Variants in ZNF804B observed in about 807,000 individuals in gnomAD.
ZNF804B encodes the protein zinc finger 804B.
A neutral mutation model predicts 101.4 loss-of-function variants in ZNF804B; 80 were observed. The ratio of observed to expected loss-of-function variants is 0.79; its 90% CI spans 0.66 to 0.95. The LOEUF (loss-of-function observed/expected upper bound fraction) is 0.95, where lower values mean the gene tolerates loss of function less well. Among genes scored for constraint, ZNF804B ranks in the 40% least tolerant of loss-of-function variants. The pLI, the probability that ZNF804B is intolerant of heterozygous loss-of-function variation, is 0.00. For missense variants in ZNF804B, 1,673 were observed against 1,561.9 expected (o/e 1.07, Z -1.20); for synonymous variants, 622 against 558.8 (o/e 1.11, Z -1.59).
At chr7:88,932,758 A>T (rs1403874704) in intron 1 of ZNF804B, among the ~76,000 whole-genome samples, 2 of 151,678 alleles carry the variant, frequency 1.3e-5, no homozygotes, top group Non-Finnish European at 3.0e-5. Context: ...TAATAATAAT[A>T]AAAAATGCCC....
chr7:89,069,621 T>C (rs1448067183), intron 1 of ZNF804B, among the ~76,000 whole-genome samples: 1 of 152,172 alleles, frequency 6.6e-6, no homozygotes, highest in African/African-American at 2.4e-5. Context: ...AACATTATCT[T>C]AATGGCTGCA....
chr7:89,044,441 A>G (rs1789071070), intron 1 of ZNF804B, among the ~76,000 whole-genome samples: 1 of 152,230 alleles, frequency 6.6e-6, no homozygotes, highest in African/African-American at 2.4e-5. Context: ...AAGATACCCA[A>G]AAATGTAGAA....
chr7:89,284,309 G>A (rs895330518), intron 2 of ZNF804B, among the ~76,000 whole-genome samples: 7 of 152,142 alleles, frequency 4.6e-5, no homozygotes, highest in African/African-American at 1.7e-4. Flanking sequence ...AGTAAAAAAC[G>A]ATATCTCTCA....
At chr7:88,812,250 T>G (rs2888562) in intron 1 of ZNF804B, among the ~76,000 whole-genome samples, 57,987 of 151,990 alleles carry the variant, frequency 0.38, 11,434 homozygotes, top group East Asian at 0.51. Flanking sequence ...AGTCCAAAAG[T>G]CATTTAATTT....
At chr7:89,252,708 A>C (rs1789561533) in intron 2 of ZNF804B, among the ~76,000 whole-genome samples, 1 of 152,228 alleles carries the variant, frequency 6.6e-6, no homozygotes. Flanking sequence ...AGCCATATAA[A>C]AGAATGAAAT....
At chr7:88,769,555 G>C (rs975709906) in intron 1 of ZNF804B, among the ~76,000 whole-genome samples, 14 of 152,074 alleles carry the variant, frequency 9.2e-5, no homozygotes, top group African/African-American at 3.1e-4. Flanking sequence ...TTTTTTCATT[G>C]GTGGCATATT....
intron 1 of ZNF804B, among the ~76,000 whole-genome samples, chr7:89,165,270 A>G (rs556343981): frequency 6.6e-6 from 1 of 152,230 alleles, no homozygotes; most frequent in South Asian, 2.1e-4. Context: ...CTGAATTTCA[A>G]GTGTTCTGCT....
At chr7:89,025,791 G>A (rs1788741464) in intron 1 of ZNF804B, among the ~76,000 whole-genome samples, 1 of 152,008 alleles carries the variant, frequency 6.6e-6, no homozygotes, top group African/African-American at 2.4e-5. Flanking sequence ...TCAGTTTCTT[G>A]CCCTCTTGCT....
At chr7:88,899,474 CTT>C (rs1169246100) in intron 1 of ZNF804B, among the ~76,000 whole-genome samples, 2 of 152,106 alleles carry the variant, frequency 1.3e-5, no homozygotes, top group Non-Finnish European at 2.9e-5. Context: ...GCTCTGATCT[CTT>C]TCTTCACTGT....
In ZNF804B at chr7:89,337,086, A is replaced by G; in HGVS notation, c.*54A>G. On this transcript the variant is annotated 3_prime_UTR_variant, in exon 4 of 4. Coordinates refer to ENST00000333190, the MANE Select transcript of ZNF804B (RefSeq NM_181646.5). ...TTTTTTTAATTGTCACTACCTATAAAATCATACATTTAAAGAAGTCTGTCA... is the reference window on the plus strand; with the variant it reads ...TTTTTTTAATTGTCACTACCTATAAGATCATACATTTAAAGAAGTCTGTCA... 1 of 1,490,464 alleles carries G rather than the reference A, an allele frequency of 6.7e-7. No homozygotes were observed. Among genetic ancestry groups the G allele is most frequent in the Non-Finnish European group, 9.0e-7 (1 of 1,106,758 alleles). The allele number at this position is 1,490,464 out of a possible 1,614,324, so 92.3% of individuals were successfully genotyped here. A position where few individuals can be genotyped will look rare whatever the true frequency, so the allele number is the denominator to read the frequency against.
chr7:89,096,767 T>C (rs1789977768), intron 1 of ZNF804B, among the ~76,000 whole-genome samples: 1 of 152,132 alleles, frequency 6.6e-6, no homozygotes, highest in Non-Finnish European at 1.5e-5. Flanking sequence ...TTTCATTATG[T>C]GTTGTTTTTT....
intron 1 of ZNF804B, among the ~76,000 whole-genome samples, chr7:89,065,180 A>C (rs1789440648): frequency 6.6e-6 from 1 of 152,150 alleles, no homozygotes; most frequent in Admixed American, 6.5e-5. Context: ...GAGCAAGTAA[A>C]CTACAGAGCA....
In ZNF804B at chr7:89,336,717, T is replaced by C. The variant is rs746556845; in HGVS notation, c.3735T>C (p.Pro1245=). 2 of 1,614,128 alleles carry C rather than the reference T, an allele frequency of 1.2e-6. No homozygotes were observed. The highest frequency in any genetic ancestry group is 4.5e-5 in the East Asian group (2 of 44,868). Residue 1245 remains proline (P), a synonymous_variant, in exon 4 of 4, where the codon CCT becomes CCC. Transcript: ENST00000333190. ...CTCTTTCACAGGCACATTTCAGTCC[T>C]ATTTCATTTTCGACTCTGACTCCAA... ...LHPLSQAHFS[P]ISFSTLTPTI... is the part of the protein sequence containing the mutation.
Position 89,293,533 on chromosome 7 carries a change from C to T in ZNF804B, c.250-33811C>T, listed in dbSNP as rs138718741. On this transcript the variant is annotated intron_variant, in intron 2 of 3. Coordinates refer to ENST00000333190, the MANE Select transcript of ZNF804B (RefSeq NM_181646.5). ...GGCGTGGTGTCTCACACCTGTAATC[C>T]CAGCACTTTGGGAGGTGTAGGCAGG... Among the ~76,000 whole-genome samples the T allele has an allele frequency of 4.9e-3, 748 of 152,070 alleles. 4 individuals are homozygous for T. The highest frequency in any genetic ancestry group is 0.017 in the African/African-American group (701 of 41,484).
At chr7:89,231,271 T>A (rs1789187144) in intron 2 of ZNF804B, among the ~76,000 whole-genome samples, 1 of 152,144 alleles carries the variant, frequency 6.6e-6, no homozygotes, top group South Asian at 2.1e-4. Context: ...AATGTATAAG[T>A]TTATTTCTAG....
chr7:89,227,599 G>A (rs747495643), intron 2 of ZNF804B, among the ~76,000 whole-genome samples: 6 of 152,320 alleles, frequency 3.9e-5, no homozygotes, highest in Non-Finnish European at 8.8e-5. Context: ...ATACAGTGGG[G>A]TAAATAGCAT....
chr7:89,018,066 A>G lies in ZNF804B; in HGVS notation c.109-200089A>G, dbSNP rs140695288. On this transcript the variant is annotated intron_variant, in intron 1 of 3. Transcript: ENST00000333190. ...TTCAGTATTGTGTTTAATAAAAGGA[A>G]TGAAAGTGGGCATTCTTCGCATGTT... 2.9e-3 allele frequency among the ~76,000 whole-genome samples: 449 copies of G among 152,204 alleles called. 10 individuals are homozygous for G. Among genetic ancestry groups the G allele is most frequent in the Admixed American group, 0.023 (356 of 15,274 alleles).
chr7:89,052,728 G>C (rs1789226102), intron 1 of ZNF804B, among the ~76,000 whole-genome samples: 1 of 152,088 alleles, frequency 6.6e-6, no homozygotes, highest in African/African-American at 2.4e-5. Context: ...TCCAAGCATT[G>C]CCTCAACAAA....
chr7:88,806,456 T>C (rs574029324), intron 1 of ZNF804B, among the ~76,000 whole-genome samples: 3 of 152,240 alleles, frequency 2.0e-5, no homozygotes, highest in South Asian at 2.1e-4. Flanking sequence ...GAGTTGCAAG[T>C]GTAAGTTAAC....
Sources: gnomAD v4.1 joint callset for allele counts (sites outside exome capture counted in the v4.1 genomes callset) on GRCh38, gnomAD v4.1.1 for gene constraint, MANE v1.5 for transcripts, NCBI Gene and HGNC (gene_info 2026-07-23, HGNC 2026-07-21) for gene names.